RALYL: variants seen among roughly 807,000 people sequenced by gnomAD.
RALYL encodes the protein RNA-binding Raly-like protein.
Under a neutral mutation model 35.1 loss-of-function variants are expected in RALYL, and 29 were observed. That is an observed-to-expected ratio of 0.83 (90% CI 0.61 to 1.13). The LOEUF (loss-of-function observed/expected upper bound fraction) is 1.13, where lower values mean the gene tolerates loss of function less well. Ranked by LOEUF, RALYL falls within the 50% of genes most tolerant of loss-of-function variation. The pLI is 0.00. For missense variants in RALYL, 359 were observed against 360.4 expected, an observed-to-expected ratio of 1.00 and a Z score of 0.03; for synonymous variants, 120 against 127.6, an observed-to-expected ratio of 0.94 and a Z score of 0.40.
chr8:84,411,472 T>C (rs1035803029), intron 1 of RALYL, among the ~76,000 whole-genome samples: 2 of 151,878 alleles, frequency 1.3e-5, no homozygotes, highest in African/African-American at 4.8e-5. Context: ...TCCATCAATA[T>C]GGGGAACATT....
At chr8:84,838,045 CT>C (rs1452442551) in intron 4 of RALYL, among the ~76,000 whole-genome samples, 5 of 152,244 alleles carry the variant, frequency 3.3e-5, no homozygotes, top group African/African-American at 1.2e-4. Context: ...AAAAGTTCTT[CT>C]CTTAAAAGCC....
At chr8:84,336,099 T>A (rs1028964202) in intron 1 of RALYL, among the ~76,000 whole-genome samples, 1 of 152,158 alleles carries the variant, frequency 6.6e-6, no homozygotes, top group African/African-American at 2.4e-5. Flanking sequence ...TTTTTGGGGA[T>A]TGATTACAAT....
chr8:84,842,227 TAATAAAGA>T (rs1338023785), intron 4 of RALYL, among the ~76,000 whole-genome samples: 4 of 151,958 alleles, frequency 2.6e-5, no homozygotes, highest in Non-Finnish European at 5.9e-5. Context: ...CTAGCAAGAC[TAATAAAGA>T]AGAAAAGAGA....
intron 1 of RALYL, among the ~76,000 whole-genome samples, chr8:84,464,725 C>A (rs1447476508): frequency 1.3e-5 from 2 of 151,918 alleles, no homozygotes; most frequent in Non-Finnish European, 2.9e-5. Flanking sequence ...CACTGACTTC[C>A]ACAATGGTTG....
At chr8:84,726,121 C>A (rs1844896690) in intron 2 of RALYL, among the ~76,000 whole-genome samples, 1 of 150,480 alleles carries the variant, frequency 6.6e-6, no homozygotes, top group African/African-American at 2.4e-5. Context: ...AATCCATAAA[C>A]AATCATCATT....
chr8:84,823,928 G>C (rs1829071692), intron 4 of RALYL, among the ~76,000 whole-genome samples: 1 of 152,042 alleles, frequency 6.6e-6, no homozygotes, highest in East Asian at 1.9e-4. Flanking sequence ...ACAAAAACTG[G>C]AAGCATTCCC....
At chr8:84,362,568 G>A (rs1287954106) in intron 1 of RALYL, among the ~76,000 whole-genome samples, 3 of 152,150 alleles carry the variant, frequency 2.0e-5, no homozygotes, top group Admixed American at 2.0e-4. Flanking sequence ...CGTGAACCCT[G>A]TTGTGAACTG....
At chr8:84,534,050 C>T (rs1037147630) in intron 2 of RALYL, among the ~76,000 whole-genome samples, 1 of 152,218 alleles carries the variant, frequency 6.6e-6, no homozygotes, top group Admixed American at 6.5e-5. Flanking sequence ...TCTCATTGTT[C>T]TCAGAAAAAA....
At chr8:84,355,231 C>G (rs566522041) in intron 1 of RALYL, among the ~76,000 whole-genome samples, 1 of 150,456 alleles carries the variant, frequency 6.6e-6, no homozygotes, top group East Asian at 1.9e-4. Context: ...TAATCTGAGA[C>G]AAGGACTCTG....
At chr8:84,654,849 G>A (rs1172038741) in intron 2 of RALYL, among the ~76,000 whole-genome samples, 1 of 152,052 alleles carries the variant, frequency 6.6e-6, no homozygotes, top group African/African-American at 2.4e-5. Flanking sequence ...CTCTTCAGCT[G>A]CTTCCAAATC....
chr8:84,446,212 A>G (rs190170810), intron 1 of RALYL, among the ~76,000 whole-genome samples: 231 of 152,100 alleles, frequency 1.5e-3, no homozygotes, highest in African/African-American at 5.2e-3. Flanking sequence ...CATGTGTATT[A>G]TTTCCACATG....
intron 1 of RALYL, among the ~76,000 whole-genome samples, chr8:84,346,327 T>C (rs1294545962): frequency 6.6e-6 from 1 of 152,178 alleles, no homozygotes; most frequent in African/African-American, 2.4e-5. Flanking sequence ...AGTAATTTAT[T>C]ACCCATGTTG....
At chr8:84,776,481 T>C (rs1816870135) in intron 3 of RALYL, among the ~76,000 whole-genome samples, 2 of 152,328 alleles carry the variant, frequency 1.3e-5, no homozygotes, top group Non-Finnish European at 2.9e-5. Context: ...GCAGAGATGA[T>C]GTTATCAACA....
chr8:84,696,477 T>C (rs1361373555), intron 2 of RALYL, among the ~76,000 whole-genome samples: 1 of 151,946 alleles, frequency 6.6e-6, no homozygotes, highest in African/African-American at 2.4e-5. Context: ...GCCAAAGGTT[T>C]TTAAAATTGA....
At chr8:84,342,040 G>A (rs891309042) in intron 1 of RALYL, among the ~76,000 whole-genome samples, 1 of 151,108 alleles carries the variant, frequency 6.6e-6, no homozygotes, top group East Asian at 2.0e-4. Context: ...TGATAAAATA[G>A]GCAAGAAAAA....
At chr8:84,688,025 T>A (rs1186556154) in intron 2 of RALYL, among the ~76,000 whole-genome samples, 1 of 152,058 alleles carries the variant, frequency 6.6e-6, no homozygotes, top group African/African-American at 2.4e-5. Context: ...AGAAAAAGAA[T>A]TTAAATGGAC....
At chr8:84,351,325 G>A (rs1386559079) in intron 1 of RALYL, among the ~76,000 whole-genome samples, 1 of 149,712 alleles carries the variant, frequency 6.7e-6, no homozygotes, top group African/African-American at 2.5e-5. Context: ...ACTTATAGTT[G>A]TGGTTTGTTC....
intron 2 of RALYL, among the ~76,000 whole-genome samples, chr8:84,656,579 C>T (rs1006094346): frequency 6.6e-6 from 1 of 152,096 alleles, no homozygotes. Flanking sequence ...AAATAGTGAG[C>T]ATTCACAAAG....
At chr8:84,266,776 C>T (rs1586651178) in intron 1 of RALYL, among the ~76,000 whole-genome samples, 1 of 151,842 alleles carries the variant, frequency 6.6e-6, no homozygotes, top group Non-Finnish European at 1.5e-5. Context: ...CGGGCTAACA[C>T]GGTGAAACCC....
Sources: gnomAD v4.1 joint callset for allele counts (sites outside exome capture counted in the v4.1 genomes callset) on GRCh38, gnomAD v4.1.1 for gene constraint, MANE v1.5 for transcripts, NCBI Gene and HGNC (gene_info 2026-07-23, HGNC 2026-07-21) for gene names.